LINGO2: variants seen among roughly 807,000 people sequenced by gnomAD.
The protein encoded by LINGO2 is leucine-rich repeat and immunoglobulin-like domain-containing nogo receptor-interacting protein 2.
In LINGO2, 14 loss-of-function variants were observed where a neutral mutation model predicts 30.6. The observed-to-expected ratio is 0.46, with a 90% CI of 0.30 to 0.72. The LOEUF (loss-of-function observed/expected upper bound fraction) is 0.72, where lower values mean the gene tolerates loss of function less well. Ranked by LOEUF, LINGO2 falls within the 30% of genes least tolerant of loss-of-function variation. The probability of loss-of-function intolerance (pLI) is 0.07; values close to 1 mark genes in which losing one functional copy is unlikely to be tolerated. For synonymous variants in LINGO2, 317 were observed against 288.5 expected, an observed-to-expected ratio of 1.10 and a Z score of -1.00; for missense variants, 729 against 751.7, an observed-to-expected ratio of 0.97 and a Z score of 0.35.
intron 4 of LINGO2, among the ~76,000 whole-genome samples, chr9:28,016,809 G>A (rs2119317436): frequency 6.6e-6 from 1 of 151,464 alleles, no homozygotes; most frequent in South Asian, 2.1e-4. Context: ...CCAAAAAATT[G>A]AGGAGGAAGG....
the LINGO2 span, among the ~76,000 whole-genome samples, chr9:28,774,270 G>A: frequency 2.0e-5 from 3 of 152,106 alleles, no homozygotes; most frequent in African/African-American, 7.2e-5. Flanking sequence ...GCTAGTATAA[G>A]TTTATATAAG....
At chr9:29,161,834 C>T in the LINGO2 span, among the ~76,000 whole-genome samples, 2 of 151,936 alleles carry the variant, frequency 1.3e-5, no homozygotes. Context: ...TGAATATATA[C>T]CATATTAGTG....
chr9:29,212,677 A>G, the LINGO2 span, among the ~76,000 whole-genome samples: 1 of 152,164 alleles, frequency 6.6e-6, no homozygotes, highest in Non-Finnish European at 1.5e-5. Context: ...TCCACAGAGA[A>G]CCCAGTCCGA....
At chr9:27,959,334 G>C (rs541426136) in intron 5 of LINGO2, among the ~76,000 whole-genome samples, 1 of 151,226 alleles carries the variant, frequency 6.6e-6, no homozygotes, top group Non-Finnish European at 1.5e-5. Context: ...ATTCATTTTC[G>C]CTTCCTAAGA....
chr9:28,593,492 C>A (rs539805238), intron 1 of LINGO2, among the ~76,000 whole-genome samples: 1 of 152,064 alleles, frequency 6.6e-6, no homozygotes, highest in African/African-American at 2.4e-5. Context: ...TAAAATAGAG[C>A]AAATTGGTCT....
intron 5 of LINGO2, among the ~76,000 whole-genome samples, chr9:27,993,844 G>A (rs931066679): frequency 1.3e-5 from 2 of 151,858 alleles, no homozygotes; most frequent in African/African-American, 4.8e-5. Context: ...AACTGCTGCT[G>A]AATATGCATT....
At position 28,018,081 on chromosome 9, in the gene LINGO2, A is replaced by G. The variant is rs564100790; in HGVS notation, c.-86-5676T>C. On this transcript the variant is annotated intron_variant, in intron 4 of 5. Transcript: ENST00000379992. The stretch of plus-strand genomic sequence containing the variant: ...TGCCTACAATCATCTGACCTTTGAC[A>G]AAGTCAACAAAAGCAAGCAATGGGG... Among the ~76,000 whole-genome samples the G allele has an allele frequency of 2.6e-5, 4 of 152,300 alleles. No homozygotes were observed. In the South Asian group the frequency reaches 8.3e-4, roughly 32 times the overall value.
At chr9:29,055,949 C>CACAT in the LINGO2 span, among the ~76,000 whole-genome samples, 13 of 123,136 alleles carry the variant, frequency 1.1e-4, no homozygotes, top group East Asian at 2.7e-4. Flanking sequence ...TGTATATATA[C>CACAT]ATATATATGT....
the LINGO2 span, among the ~76,000 whole-genome samples, chr9:29,119,577 CTTTTTTT>C: frequency 1.3e-4 from 11 of 82,544 alleles, no homozygotes; most frequent in South Asian, 5.0e-4. Flanking sequence ...CAGTTGTCAT[CTTTTTTT>C]TTTTTTTTTT....
the LINGO2 span, among the ~76,000 whole-genome samples, chr9:29,165,689 T>C: frequency 6.6e-6 from 1 of 152,112 alleles, no homozygotes. Context: ...CTACTCTTTT[T>C]ATTGCATTAA....
the LINGO2 span, among the ~76,000 whole-genome samples, chr9:28,871,794 A>G: frequency 1.8e-4 from 28 of 152,100 alleles, no homozygotes; most frequent in South Asian, 5.2e-3. Context: ...GGTGAACTTT[A>G]TATGTTGGAG....
intron 1 of LINGO2, among the ~76,000 whole-genome samples, chr9:28,557,915 G>C (rs962571001): frequency 6.8e-6 from 1 of 146,970 alleles, no homozygotes; most frequent in Non-Finnish European, 1.5e-5. Flanking sequence ...CAAACACCAC[G>C]TATTCTCACT....
At chr9:29,137,813 T>C in the LINGO2 span, among the ~76,000 whole-genome samples, 4 of 152,108 alleles carry the variant, frequency 2.6e-5, no homozygotes, top group Non-Finnish European at 5.9e-5. Flanking sequence ...TCCCTTCCTG[T>C]GTTCTCAACA....
chr9:28,356,933 G>A (rs898061727), intron 3 of LINGO2, among the ~76,000 whole-genome samples: 5 of 18,050 alleles, frequency 2.8e-4, no homozygotes, highest in African/African-American at 1.0e-3. Flanking sequence ...GGTAAAAACG[G>A]CTCTGAGAAT....
downstream of LINGO2, among the ~76,000 whole-genome samples, chr9:27,947,288 C>T (rs80076733): frequency 0.01 from 1,551 of 152,176 alleles, 115 homozygotes; most frequent in East Asian, 0.2. Context: ...CTGGTGGTCA[C>T]GGCATGACAT....
the LINGO2 span, among the ~76,000 whole-genome samples, chr9:29,088,257 C>G: frequency 6.6e-6 from 1 of 152,074 alleles, no homozygotes; most frequent in African/African-American, 2.4e-5. Context: ...TCCTATGATC[C>G]ACGCCATCTA....
At chr9:28,599,486 G>T (rs1825368795) in intron 1 of LINGO2, among the ~76,000 whole-genome samples, 1 of 152,096 alleles carries the variant, frequency 6.6e-6, no homozygotes, top group South Asian at 2.1e-4. Flanking sequence ...GTTTGAAAAT[G>T]TTTAAATTGG....
chr9:28,127,689 A>C lies in LINGO2; in HGVS notation c.-86-115284T>G, dbSNP rs556510207. ...TCTCTATGGTGGAAATGTTCTCTCT[A>C]TGGTGGAAATGTCCTCTCTATGGTA... On this transcript the variant is annotated intron_variant, in intron 4 of 5. Transcript: ENST00000379992. Among the ~76,000 whole-genome samples the C allele has an allele frequency of 1.1e-4, 17 of 152,284 alleles. No individual in the cohort carries two copies. In the South Asian group the frequency reaches 3.3e-3, roughly 30 times the overall value.
intron 1 of LINGO2, among the ~76,000 whole-genome samples, chr9:28,526,475 T>G (rs1821044249): frequency 6.6e-6 from 1 of 152,186 alleles, no homozygotes; most frequent in Non-Finnish European, 1.5e-5. Flanking sequence ...AAACTAGGTT[T>G]TCAGTTTTCC....
Sources: allele counts gnomAD v4.1 joint callset (sites outside exome capture counted in the v4.1 genomes callset), GRCh38; gene constraint gnomAD v4.1.1; transcripts MANE v1.5; gene names NCBI Gene and HGNC (gene_info 2026-07-23, HGNC 2026-07-21).